The following HECW2 variants were observed in gnomAD, a reference collection of about 807,000 sequenced individuals.
HECW2 encodes HECT, C2 and WW domain containing E3 ubiquitin protein ligase 2, also known as E3 ubiquitin-protein ligase HECW2.
In HECW2, 61 loss-of-function variants were observed where a neutral mutation model predicts 175.2. That is an observed-to-expected ratio of 0.35 (90% CI 0.28 to 0.43). The LOEUF is 0.43. HECW2 is among the 20% of genes least tolerant of loss of function. The pLI, the probability that HECW2 is intolerant of heterozygous loss-of-function variation, is 1.00. For synonymous variants in HECW2, 671 were observed against 731.0 expected (o/e 0.92, Z 1.32); for missense variants, 1,524 against 2,000.5 (o/e 0.76, Z 4.54).
At position 196,220,319 on chromosome 2, in the gene HECW2, T is replaced by C. The variant is rs570237987; in HGVS notation, c.4294-166A>G. ...CTCCCTACAAATATAAGGCATTCTTTAGTATAAGGTTGATGAGATTTGCCT... is the reference window on the plus strand; with the variant it reads ...CTCCCTACAAATATAAGGCATTCTTCAGTATAAGGTTGATGAGATTTGCCT... On this transcript the variant is annotated intron_variant, in intron 25 of 28. Transcript: ENST00000644978. Among the ~76,000 whole-genome samples the C allele has an allele frequency of 3.3e-5, 5 of 152,370 alleles. No homozygotes were observed. The East Asian group carries it at 9.6e-4, about 29-fold the overall frequency.
At chr2:196,323,412 G>T (rs1179061343) in intron 6 of HECW2, among the ~76,000 whole-genome samples, 2 of 152,168 alleles carry the variant, frequency 1.3e-5, no homozygotes, top group Non-Finnish European at 2.9e-5. Context: ...AGTAAATGAT[G>T]GTGCCAGGAA....
At chr2:196,476,510 A>T (rs1686627295) in intron 1 of HECW2, among the ~76,000 whole-genome samples, 1 of 152,090 alleles carries the variant, frequency 6.6e-6, no homozygotes, top group Non-Finnish European at 1.5e-5. Context: ...AAATAAGATG[A>T]CACAGGCAAA....
chr2:196,219,127 GC>G (rs1687578226), intron 26 of HECW2, among the ~76,000 whole-genome samples: 1 of 152,106 alleles, frequency 6.6e-6, no homozygotes, highest in African/African-American at 2.4e-5. Context: ...AATTTACTCT[GC>G]TAAGTGATTA....
chr2:196,537,040 T>G (rs1575649756), intron 1 of HECW2, among the ~76,000 whole-genome samples: 1 of 152,288 alleles, frequency 6.6e-6, no homozygotes, highest in South Asian at 2.1e-4. Flanking sequence ...TTCTGTTCAA[T>G]TTTGCCTAAA....
chr2:196,423,753 CA>C (rs1177038505), intron 2 of HECW2, among the ~76,000 whole-genome samples: 1 of 148,680 alleles, frequency 6.7e-6, no homozygotes, highest in Non-Finnish European at 1.5e-5. Flanking sequence ...CACTGATGGA[CA>C]CTTAGGTTGA....
chr2:196,262,752 A>C (rs773952490), intron 17 of HECW2, among the ~76,000 whole-genome samples: 1 of 151,964 alleles, frequency 6.6e-6, no homozygotes, highest in African/African-American at 2.4e-5. Flanking sequence ...TTTTAGCGGA[A>C]ATAGGGTTTC....
At chr2:196,509,051 T>C (rs559157835) in intron 1 of HECW2, among the ~76,000 whole-genome samples, 2 of 152,286 alleles carry the variant, frequency 1.3e-5, no homozygotes, top group East Asian at 1.9e-4. Context: ...CAAAAGTAAG[T>C]ATTAAATGTT....
At chr2:196,560,564 G>T (rs1489396458) in intron 1 of HECW2, among the ~76,000 whole-genome samples, 1 of 152,110 alleles carries the variant, frequency 6.6e-6, no homozygotes, top group Non-Finnish European at 1.5e-5. Flanking sequence ...TAATCTAAAA[G>T]ATATATATTT....
chr2:196,446,936 T>C (rs1206767517), intron 1 of HECW2, among the ~76,000 whole-genome samples: 2 of 152,204 alleles, frequency 1.3e-5, no homozygotes, highest in Admixed American at 1.3e-4. Context: ...AATTCCATTC[T>C]GAAGGAACTT....
At chr2:196,358,342 G>T (rs1421510680) in intron 2 of HECW2, among the ~76,000 whole-genome samples, 1 of 139,204 alleles carries the variant, frequency 7.2e-6, no homozygotes, top group Non-Finnish European at 1.5e-5. Flanking sequence ...GGGAGGCTGA[G>T]GCAGGTGGAT....
chr2:196,331,100 C>T, intron 4 of HECW2: 4 of 968,020 alleles, frequency 4.1e-6, no homozygotes, highest in Non-Finnish European at 4.9e-6. Context: ...ACTCCTGTAC[C>T]TTAGTCAAAC....
chr2:196,234,697 A>T (rs1688177378), intron 21 of HECW2, among the ~76,000 whole-genome samples: 1 of 150,694 alleles, frequency 6.6e-6, no homozygotes, highest in Admixed American at 6.6e-5. Context: ...GAGCTGGAAA[A>T]TACGTAGAAT....
intron 16 of HECW2, among the ~76,000 whole-genome samples, chr2:196,272,300 C>A (rs923163442): frequency 1.3e-5 from 2 of 152,120 alleles, no homozygotes; most frequent in South Asian, 2.1e-4. Context: ...TTAGAAAAAT[C>A]TAAATCCCAG....
chr2:196,324,911 C>T, intron 6 of HECW2, 69 bp downstream of exon 6: 1 of 1,337,234 alleles, frequency 7.5e-7, no homozygotes, highest in Non-Finnish European at 1.0e-6. Flanking sequence ...ATGCAAAAGT[C>T]TCAAGGAAAG....
At chr2:196,256,803 A>G (rs868199333) in intron 18 of HECW2, among the ~76,000 whole-genome samples, 5 of 152,202 alleles carry the variant, frequency 3.3e-5, no homozygotes, top group African/African-American at 1.2e-4. Context: ...GAGGCCACCC[A>G]TTAGGTTGAG....
intron 1 of HECW2, among the ~76,000 whole-genome samples, chr2:196,531,361 T>C (rs897501899): frequency 6.6e-6 from 1 of 152,198 alleles, no homozygotes; most frequent in Non-Finnish European, 1.5e-5. Context: ...AAACTTATTA[T>C]TATTAAATGT....
intron 1 of HECW2, among the ~76,000 whole-genome samples, chr2:196,591,936 C>A (rs1338623236): frequency 2.6e-5 from 4 of 152,126 alleles, no homozygotes; most frequent in Admixed American, 6.5e-5. Flanking sequence ...CCTCTTGGAA[C>A]ATACAGCCAT....
intron 5 of HECW2, 120 bp from the exon 6 acceptor site, chr2:196,325,269 G>A: frequency 1.7e-6 from 1 of 577,460 alleles, no homozygotes; most frequent in Non-Finnish European, 2.8e-6. Flanking sequence ...GTCCTGATTA[G>A]AACAAGCAGC....
chr2:196,372,636 T>G (rs975048508), intron 2 of HECW2, among the ~76,000 whole-genome samples: 5 of 152,290 alleles, frequency 3.3e-5, no homozygotes, highest in African/African-American at 9.6e-5. Context: ...AATGAGGATT[T>G]TTTCCTCCCT....
Sources: allele counts gnomAD v4.1 joint callset (sites outside exome capture counted in the v4.1 genomes callset), GRCh38; gene constraint gnomAD v4.1.1; transcripts MANE v1.5; gene names NCBI Gene and HGNC (gene_info 2026-07-23, HGNC 2026-07-21).